Variants in CBLIF observed in about 807,000 individuals in gnomAD.
CBLIF encodes the protein cobalamin binding intrinsic factor, also known as gastric intrinsic factor (vitamin B synthesis).
CBLIF carries 24 observed loss-of-function variants against 44.9 expected under a neutral mutation model. The observed-to-expected ratio is 0.53, with a 90% confidence interval of 0.39 to 0.75. The LOEUF is 0.75. Among genes scored for constraint, CBLIF ranks in the 30% least tolerant of loss-of-function variants. CBLIF has a pLI of 0.00. For synonymous variants in CBLIF, 183 were observed against 190.9 expected (o/e 0.96, Z 0.34); for missense variants, 481 against 513.0 (o/e 0.94, Z 0.60).
chr11:59,837,695 C>T (rs754874512), intron 5 of CBLIF, among the ~76,000 whole-genome samples: 6 of 152,138 alleles, frequency 3.9e-5, no homozygotes, highest in Non-Finnish European at 8.8e-5. Context: ...GCCACATAAA[C>T]GGAGTAGACC....
chr11:59,831,441 C>T (rs1400404862), intron 8 of CBLIF: 1 of 187,482 alleles, frequency 5.3e-6, no homozygotes, highest in South Asian at 1.6e-4. Flanking sequence ...AAAGTATTAT[C>T]GCTGCCTACA....
intron 2 of CBLIF, among the ~76,000 whole-genome samples, 164 bp from the exon 3 acceptor site, chr11:59,843,305 C>T (rs933688909): frequency 6.6e-6 from 1 of 151,894 alleles, no homozygotes; most frequent in African/African-American, 2.4e-5. Flanking sequence ...TGGAAGAATA[C>T]GTAAGGGAAT....
rs532285568 is a variant in CBLIF at position 59,833,574 on chromosome 11, A to G, written c.1074-1778T>C. Among the ~76,000 whole-genome samples the G allele has an allele frequency of 3.9e-5, 6 of 152,178 alleles. No individual in the cohort carries two copies. In the South Asian group the frequency reaches 1.0e-3, roughly 26 times the overall value. Reference sequence around the variant, plus strand: ...GTGCAATTTTTATCCTGACCTGTCTATGGAAGTTAGGGAAGTTATGGAGTC... The same window carrying G: ...GTGCAATTTTTATCCTGACCTGTCTGTGGAAGTTAGGGAAGTTATGGAGTC... On this transcript the variant is annotated intron_variant, in intron 7 of 8. Transcript: ENST00000257248.
At chr11:59,840,656 C>G (rs1162428519) in intron 5 of CBLIF, among the ~76,000 whole-genome samples, 1 of 152,058 alleles carries the variant, frequency 6.6e-6, no homozygotes, top group Non-Finnish European at 1.5e-5. Context: ...GCTGGGTCAA[C>G]TTTAGGTTAT....
chr11:59,837,367 G>A lies in CBLIF; in HGVS notation c.694-16C>T. 6.3e-7 allele frequency: 1 copy of A among 1,582,532 alleles called. No homozygotes were observed. Among genetic ancestry groups the A allele is most frequent in the Non-Finnish European group, 8.7e-7 (1 of 1,151,370 alleles). ...CAGAGAGAGCCTGGGAAGGAAGACA[G>A]AAAGAGAGAGAAAGAGTAATTAGGC... On this transcript the variant is annotated splice_polypyrimidine_tract_variant and intron_variant, in intron 5 of 8. Transcript: ENST00000257248.
At chr11:59,833,612 G>A (rs1445461756) in intron 7 of CBLIF, among the ~76,000 whole-genome samples, 1 of 152,114 alleles carries the variant, frequency 6.6e-6, no homozygotes, top group Non-Finnish European at 1.5e-5. Flanking sequence ...GCAGTAAGCA[G>A]CAGACACAAT....
Position 59,835,958 on chromosome 11 carries a change from G to A in CBLIF, c.923C>T (p.Ser308Phe), listed in dbSNP as rs1590857125. Residue 308 changes from serine (S) to phenylalanine (F), a missense_variant, in exon 7 of 9, where the codon TCT (serine) becomes TTT (phenylalanine). Ser to Phe is a radical substitution (Grantham distance 155). Transcript: ENST00000257248. The part of the protein sequence containing the change: ...LPSNPGPGPT[S>F]ASNITVIYTI... ...GTATATGACAGTGATGTTAGATGCA[G>A]AGGTGGGGCCAGGGCCAGGGTTGCT... 1.2e-6 allele frequency: 2 copies of A among 1,614,160 alleles called. No homozygotes were observed. Among genetic ancestry groups the A allele is most frequent in the East Asian group, 2.2e-5 (1 of 44,882 alleles).
chr11:59,836,393 AAAAG>A (rs758136572), intron 6 of CBLIF, among the ~76,000 whole-genome samples: 7 of 152,244 alleles, frequency 4.6e-5, no homozygotes, highest in Non-Finnish European at 1.0e-4. Context: ...TTATTAAAAA[AAAAG>A]AGTTTGAGGA....
intron 4 of CBLIF, among the ~76,000 whole-genome samples, chr11:59,842,038 T>C (rs1388688584): frequency 6.6e-6 from 1 of 152,060 alleles, no homozygotes; most frequent in African/African-American, 2.4e-5. Context: ...GATATTTGGA[T>C]GTAATGAGGA....
At chr11:59,844,938 C>T (rs1866586310) in intron 1 of CBLIF, among the ~76,000 whole-genome samples, 1 of 152,154 alleles carries the variant, frequency 6.6e-6, no homozygotes, top group Non-Finnish European at 1.5e-5. Context: ...GCCTCGACCT[C>T]CTGGGCTCAA....
chr11:59,836,881 T>A (rs1480890306), intron 6 of CBLIF, among the ~76,000 whole-genome samples: 1 of 152,256 alleles, frequency 6.6e-6, no homozygotes, highest in African/African-American at 2.4e-5. Context: ...CTATATGTTG[T>A]TTGATAGCTG....
At chr11:59,839,910 C>T (rs1866502192) in intron 5 of CBLIF, among the ~76,000 whole-genome samples, 1 of 151,930 alleles carries the variant, frequency 6.6e-6, no homozygotes, top group East Asian at 1.9e-4. Flanking sequence ...AAAAAATCCC[C>T]AAACCATCTT....
At chr11:59,832,189 A>T (rs940799970) in intron 7 of CBLIF, among the ~76,000 whole-genome samples, 2 of 152,146 alleles carry the variant, frequency 1.3e-5, no homozygotes, top group African/African-American at 4.8e-5. Context: ...ATGGACATGG[A>T]TGGAGGCCAT....
chr11:59,834,210 G>C (rs1379638004), intron 7 of CBLIF, among the ~76,000 whole-genome samples: 1 of 150,910 alleles, frequency 6.6e-6, no homozygotes, highest in African/African-American at 2.5e-5. Flanking sequence ...GCCTCCAAAA[G>C]CCTGCCTTTC....
At chr11:59,842,028 G>T (rs1032081661) in intron 4 of CBLIF, among the ~76,000 whole-genome samples, 1 of 152,128 alleles carries the variant, frequency 6.6e-6, no homozygotes, top group Non-Finnish European at 1.5e-5. Flanking sequence ...ATGGAGAGAG[G>T]ATATTTGGAT....
rs79819581 is a variant in CBLIF at position 59,845,184 on chromosome 11, A to G, written c.79+191T>C. The G allele has an allele frequency of 9.8e-3, 7,259 of 737,056 alleles. 190 individuals carry two copies. Among genetic ancestry groups the G allele is most frequent in the African/African-American group, 0.075 (4,279 of 57,372 alleles). The allele number at this position is 737,056 out of a possible 1,614,324, so 45.7% of individuals were successfully genotyped here. A position where few individuals can be genotyped will look rare whatever the true frequency, so the allele number is the denominator to read the frequency against. ...GGCCCCATCTCTCTTAATAAAAAACATATAGACTTGTCTCTCAAAGAACTT... is the reference window on the plus strand; with the variant it reads ...GGCCCCATCTCTCTTAATAAAAAACGTATAGACTTGTCTCTCAAAGAACTT... On this transcript the variant is annotated intron_variant, in intron 1 of 8. Transcript: ENST00000257248.
intron 5 of CBLIF, 32 bp from the exon 6 acceptor site, chr11:59,837,383 GT>G: frequency 1.3e-6 from 2 of 1,535,220 alleles, no homozygotes; most frequent in Non-Finnish European, 9.0e-7. Flanking sequence ...GAGAGAAAGA[GT>G]AATTAGGCAT....
intron 8 of CBLIF, among the ~76,000 whole-genome samples, chr11:59,831,009 C>G (rs1302173947): frequency 6.6e-6 from 1 of 152,222 alleles, no homozygotes; most frequent in Non-Finnish European, 1.5e-5. Flanking sequence ...CTTGGCTGTA[C>G]TGTGACTTTA....
chr11:59,834,284 CTTTCTTTCTTTCTTTCTTTCTTT>C (rs1866418390), intron 7 of CBLIF, among the ~76,000 whole-genome samples: 2 of 137,154 alleles, frequency 1.5e-5, no homozygotes, highest in South Asian at 2.4e-4. Context: ...TTCTTTCTTT[CTTTCTTTCTTTCTTTCTTTCTTT>C]CTTTCTTCCT....
Sources: allele counts gnomAD v4.1 joint callset (sites outside exome capture counted in the v4.1 genomes callset), GRCh38; gene constraint gnomAD v4.1.1; transcripts MANE v1.5; gene names NCBI Gene and HGNC (gene_info 2026-07-23, HGNC 2026-07-21).